Variants in LAPTM5 observed in about 807,000 individuals in gnomAD.
LAPTM5 encodes the protein lysosomal protein transmembrane 5.
Under a neutral mutation model 30.1 loss-of-function variants are expected in LAPTM5, and 11 were observed. The ratio of observed to expected loss-of-function variants is 0.37; its 90% CI spans 0.23 to 0.60. The LOEUF (loss-of-function observed/expected upper bound fraction) is 0.60, where lower values mean the gene tolerates loss of function less well. LAPTM5 is among the 20% of genes least tolerant of loss of function. The probability of loss-of-function intolerance (pLI) is 0.71; values close to 1 mark genes in which losing one functional copy is unlikely to be tolerated. For missense variants in LAPTM5, 324 were observed against 332.5 expected (o/e 0.97, Z 0.20); for synonymous variants, 151 against 137.9 (o/e 1.10, Z -0.67).
intron 2 of LAPTM5, 30 bp downstream of exon 2, chr1:30,742,426 C>T (rs750272905): frequency 1.6e-4 from 242 of 1,546,500 alleles, no homozygotes; most frequent in East Asian, 3.4e-4. Flanking sequence ...CTCCTCCCCC[C>T]GCCACTCCAC....
intron 5 of LAPTM5, 54 bp downstream of exon 5, chr1:30,738,886 C>T: frequency 6.4e-7 from 1 of 1,551,350 alleles, no homozygotes; most frequent in Non-Finnish European, 8.7e-7. Context: ...GTGAAGTAAC[C>T]TGTTCAAGGC....
At chr1:30,740,493 C>T (rs951450395) in intron 3 of LAPTM5, among the ~76,000 whole-genome samples, 2 of 151,472 alleles carry the variant, frequency 1.3e-5, no homozygotes, top group African/African-American at 4.9e-5. Flanking sequence ...GTAAGAGGCC[C>T]TGCCAGGAAG....
intron 1 of LAPTM5, among the ~76,000 whole-genome samples, chr1:30,742,973 C>T (rs1386315005): frequency 3.9e-5 from 6 of 152,066 alleles, no homozygotes; most frequent in Non-Finnish European, 8.8e-5. Flanking sequence ...AGCTGAAGGC[C>T]CCTCCACTGC....
chr1:30,743,533 G>A (rs2124186305), intron 1 of LAPTM5, among the ~76,000 whole-genome samples: 1 of 152,226 alleles, frequency 6.6e-6, no homozygotes, highest in East Asian at 1.9e-4. Flanking sequence ...CCAGCCATGG[G>A]GAACTCACAA....
At chr1:30,735,547 C>T (rs1639873752) in intron 6 of LAPTM5, among the ~76,000 whole-genome samples, 1 of 152,248 alleles carries the variant, frequency 6.6e-6, no homozygotes, top group Admixed American at 6.5e-5. Flanking sequence ...ACAGCTCCTG[C>T]TTGACTGCCC....
intron 1 of LAPTM5, among the ~76,000 whole-genome samples, chr1:30,755,721 C>G (rs563634726): frequency 6.6e-6 from 1 of 152,354 alleles, no homozygotes; most frequent in Non-Finnish European, 1.5e-5. Context: ...TGGGCCCACA[C>G]AACCTGCAAA....
intron 1 of LAPTM5, among the ~76,000 whole-genome samples, chr1:30,747,226 G>C (rs1640061357): frequency 6.6e-6 from 1 of 152,220 alleles, no homozygotes; most frequent in Non-Finnish European, 1.5e-5. Context: ...CAAAAGAGCA[G>C]ACATCATGTG....
intron 1 of LAPTM5, among the ~76,000 whole-genome samples, chr1:30,750,043 T>C (rs987078286): frequency 1.3e-5 from 2 of 152,180 alleles, no homozygotes; most frequent in Non-Finnish European, 2.9e-5. Flanking sequence ...GGTTGTCACC[T>C]GCAGCACAGG....
rs1227708320 is a variant in LAPTM5, at chr1:30,739,479, GGGCTAAA to G, written c.387+323_387+329del. On this transcript the variant is annotated intron_variant, in intron 4 of 7. Transcript: ENST00000294507. The surrounding 1 kb of genome is among the most constrained non-coding windows in gnomAD (Gnocchi z 4.2). ...AAGAAGAAATAATACTGGGGGCTGG[GGGCTAAA>G]AAGCGCACATGTCCTTTCCTCAGGT... Among the ~76,000 whole-genome samples the G allele has an allele frequency of 6.6e-6, 1 of 152,174 alleles. No homozygotes were observed. Among genetic ancestry groups the G allele is most frequent in the Non-Finnish European group, 1.5e-5 (1 of 68,036 alleles).
rs1639945466 is a variant in LAPTM5, at chr1:30,739,975, A to C, written c.259-38T>G. On this transcript the variant is annotated intron_variant, in intron 3 of 7. Transcript: ENST00000294507. The surrounding 1 kb of genome is among the most constrained non-coding windows in gnomAD (Gnocchi z 4.2). ...CCCAGCACCGTCAAGTGTCCCCTGC[A>C]TGCAGCCAACACTCCGCCACCCAGC... is the stretch of plus-strand genomic sequence containing the variant. The C allele has an allele frequency of 2.0e-6, 3 of 1,522,546 alleles. No individual in the cohort carries two copies. The highest frequency in any genetic ancestry group is 1.8e-4 in the Middle Eastern group (1 of 5,708). The allele number at this position is 1,522,546 out of a possible 1,614,324, so 94.3% of individuals were successfully genotyped here.
At chr1:30,750,269 C>T (rs959048970) in intron 1 of LAPTM5, among the ~76,000 whole-genome samples, 7 of 152,192 alleles carry the variant, frequency 4.6e-5, no homozygotes, top group African/African-American at 1.4e-4. Flanking sequence ...ACTCCCCAAA[C>T]GATTCCCTAA....
chr1:30,733,877 G>T lies in LAPTM5; in HGVS notation c.740C>A (p.Ser247Ter), dbSNP rs780833255. 1.2e-6 allele frequency: 2 copies of T among 1,611,304 alleles called. No homozygotes were observed. The highest frequency in any genetic ancestry group is 8.5e-7 in the Non-Finnish European group (1 of 1,179,372). Residue 247 changes from serine to a stop codon, truncating the protein, a stop_gained, in exon 8 of 8, where the codon TCG becomes TAG. Coordinates refer to ENST00000294507, the MANE Select transcript of LAPTM5 (RefSeq NM_006762.3). LOFTEE classifies it high-confidence loss of function. ...TGCTGGGCCCCCCTCTGGGGTCTTC[G>T]ATGGCAAAGACAGGGCTTCCTCGTA... Reference protein sequence around the residue: ...PSYEEALSLPSKTPEGGPAPP... With the variant: ...PSYEEALSLP
At position 30,733,939 on chromosome 1, in the gene LAPTM5, G is replaced by A. The variant is rs780886092; in HGVS notation, c.700-22C>T. On this transcript the variant is annotated intron_variant, in intron 7 of 7. Coordinates refer to ENST00000294507, the MANE Select transcript of LAPTM5 (RefSeq NM_006762.3). ...CCACCTGGGAGAGACAGAGAGATGAGGGCTGAGTATGGTCAAGAATGACCT... is the reference window on the plus strand; with the variant it reads ...CCACCTGGGAGAGACAGAGAGATGAAGGCTGAGTATGGTCAAGAATGACCT... 1.2e-5 allele frequency: 20 copies of A among 1,606,176 alleles called. No homozygotes were observed. In the East Asian group the frequency reaches 4.0e-4, roughly 32 times the overall value.
In LAPTM5 at chr1:30,743,795, G is replaced by GTTTTTTT. The variant is rs756356075; in HGVS notation, c.88-1253_88-1247dup. Among the ~76,000 whole-genome samples the GTTTTTTT allele has an allele frequency of 9.3e-5, 10 of 107,846 alleles. 1 individual carries two copies. Among genetic ancestry groups the GTTTTTTT allele is most frequent in the Admixed American group, 2.4e-4 (2 of 8,502 alleles). The allele number at this position is 107,846 out of a possible 152,430, so 70.8% of individuals were successfully genotyped here. On this transcript the variant is annotated intron_variant, in intron 1 of 7. Coordinates refer to ENST00000294507, the MANE Select transcript of LAPTM5 (RefSeq NM_006762.3). Reference sequence around the variant, plus strand: ...TGTTTCCCCCTTGCTGACTGTGTGGGTTTTTTTTTTTTTTTTTTTTTTAGC... The same window carrying GTTTTTTT: ...TGTTTCCCCCTTGCTGACTGTGTGGGTTTTTTTTTTTTTTTTTTTTTTTTTTTTTAGC...
chr1:30,736,798 T>C (rs1039248187), intron 6 of LAPTM5, among the ~76,000 whole-genome samples: 10 of 152,142 alleles, frequency 6.6e-5, no homozygotes, highest in African/African-American at 4.8e-5. Flanking sequence ...AAAGAACACT[T>C]TTTAAAAGCC....
Position 30,741,585 on chromosome 1 carries a change from A to T in LAPTM5, c.258+55T>A, listed in dbSNP as rs372441500. 120 of 1,370,808 alleles carry T rather than the reference A, an allele frequency of 8.8e-5. No homozygotes were observed. In the African/African-American group the frequency reaches 1.6e-3, roughly 19 times the overall value. The allele number at this position is 1,370,808 out of a possible 1,614,324, so 84.9% of individuals were successfully genotyped here. A position where few individuals can be genotyped will look rare whatever the true frequency, so the allele number is the denominator to read the frequency against. ...TCAGCACCCAGCACTGCCCACCACC[A>T]GTGGGTGTGAATAACAGGAAGGGGC... On this transcript the variant is annotated intron_variant, in intron 3 of 7. Coordinates refer to ENST00000294507, the MANE Select transcript of LAPTM5 (RefSeq NM_006762.3).
At position 30,748,707 on chromosome 1, in the gene LAPTM5, G is replaced by A. The variant is rs182799056; in HGVS notation, c.88-6158C>T. Among the ~76,000 whole-genome samples the A allele has an allele frequency of 4.6e-5, 7 of 152,324 alleles. No homozygotes were observed. The East Asian group carries it at 7.7e-4, about 17-fold the overall frequency. The stretch of plus-strand genomic sequence containing the variant: ...GGGCCACGCACTCCGCAGCAGCCCG[G>A]CCTGGCTGCCTGCAGCTCCCCAGAG... On this transcript the variant is annotated intron_variant, in intron 1 of 7. Transcript: ENST00000294507.
At position 30,746,317 on chromosome 1, in the gene LAPTM5, C is replaced by G. The variant is rs1269146856; in HGVS notation, c.88-3768G>C. 1 of 152,524 alleles carries G rather than the reference C, an allele frequency of 6.6e-6. No individual in the cohort carries two copies. Among genetic ancestry groups the G allele is most frequent in the African/African-American group, 2.4e-5 (1 of 41,444 alleles). The allele number at this position is 152,524 out of a possible 1,614,324, so 9.4% of individuals were successfully genotyped here. On this transcript the variant is annotated intron_variant, in intron 1 of 7. Coordinates refer to ENST00000294507, the MANE Select transcript of LAPTM5 (RefSeq NM_006762.3). This position sits in a 1 kb window ranked among gnomAD's most constrained non-coding sequence, Gnocchi z 4.0. Reference sequence around the variant, plus strand: ...CTGCCCACAGTCCTCCACCCCCAGCCACCCCAGGGCCAGCACCCTGCCCCT... The same window carrying G: ...CTGCCCACAGTCCTCCACCCCCAGCGACCCCAGGGCCAGCACCCTGCCCCT...
rs767643820 is a variant in LAPTM5, at chr1:30,733,908, G to T, written c.709C>A (p.Pro237Thr). 1.1e-5 allele frequency: 18 copies of T among 1,611,152 alleles called. No individual in the cohort carries two copies. Among genetic ancestry groups the T allele is most frequent in the African/African-American group, 1.3e-5 (1 of 74,736 alleles). The change falls in exon 8 of 8, where the codon CCG becomes ACG. Residue 237 changes from proline (P) to threonine (T), a missense_variant. By Grantham distance (38) the Pro-to-Thr change is conservative. Transcript: ENST00000294507. ...AAAGACAGGGCTTCCTCGTAGGACG[G>T]CAGGACCACCTGGGAGAGACAGAGA... ...NSKMLQKVVL[P>T]SYEEALSLPS...
Sources: allele counts gnomAD v4.1 joint callset (sites outside exome capture counted in the v4.1 genomes callset), GRCh38; gene constraint gnomAD v4.1.1; non-coding constraint Gnocchi (gnomAD v3.1); transcripts MANE v1.5; gene names NCBI Gene and HGNC (gene_info 2026-07-23, HGNC 2026-07-21).